IFT74: variants seen among roughly 807,000 people sequenced by gnomAD.
The protein encoded by IFT74 is intraflagellar transport protein 74 homolog.
A neutral mutation model predicts 96.7 loss-of-function variants in IFT74; 92 were observed. That is an observed-to-expected ratio of 0.95 (90% CI 0.80 to 1.13). The LOEUF (loss-of-function observed/expected upper bound fraction) is 1.13, where lower values mean the gene tolerates loss of function less well. IFT74 is among the 50% of genes most tolerant of loss of function. The pLI is 0.00. For synonymous variants in IFT74, 223 were observed against 213.2 expected (o/e 1.05, Z -0.40); for missense variants, 811 against 698.2 (o/e 1.16, Z -1.82).
intron 8 of IFT74, among the ~76,000 whole-genome samples, chr9:26,998,634 T>A (rs780466341): frequency 3.9e-5 from 6 of 152,190 alleles, no homozygotes; most frequent in Non-Finnish European, 8.8e-5. Context: ...TATTTTAAAC[T>A]ATATGTGTTT....
At chr9:27,037,175 G>A (rs537152924) in intron 13 of IFT74, among the ~76,000 whole-genome samples, 34 of 145,450 alleles carry the variant, frequency 2.3e-4, no homozygotes, top group African/African-American at 6.4e-4. Context: ...AGCCAAGATC[G>A]TGCCATTGCA....
intron 10 of IFT74, among the ~76,000 whole-genome samples, chr9:27,014,435 A>T (rs986935065): frequency 1.3e-5 from 2 of 152,194 alleles, no homozygotes; most frequent in East Asian, 3.9e-4. Flanking sequence ...TTTGGTTTCC[A>T]TAGGAAAAAT....
chr9:27,012,708 G>GTTTTT (rs772920018), intron 10 of IFT74, among the ~76,000 whole-genome samples: 2,379 of 53,832 alleles, frequency 0.044, 395 homozygotes, highest in East Asian at 0.3. Flanking sequence ...AAAAATGTCT[G>GTTTTT]TTTTTTTTTT....
chr9:26,961,803 T>A, intron 1 of IFT74, 146 bp from the exon 2 acceptor site: 1 of 677,198 alleles, frequency 1.5e-6, no homozygotes, highest in East Asian at 2.7e-5. Context: ...CGATGTCATA[T>A]TTGAACAAAA....
At chr9:27,034,022 A>C (rs1366866839) in intron 13 of IFT74, among the ~76,000 whole-genome samples, 1 of 152,152 alleles carries the variant, frequency 6.6e-6, no homozygotes, top group Admixed American at 6.6e-5. Flanking sequence ...GATGGGGCTA[A>C]TTTTCTGAGC....
intron 2 of IFT74, among the ~76,000 whole-genome samples, chr9:26,965,235 A>G (rs1826554760): frequency 6.6e-6 from 1 of 152,156 alleles, no homozygotes; most frequent in Non-Finnish European, 1.5e-5. Flanking sequence ...AATAGACAAA[A>G]ATGTCCATAA....
At chr9:27,011,066 A>T (rs1054675974) in intron 9 of IFT74, among the ~76,000 whole-genome samples, 1 of 152,184 alleles carries the variant, frequency 6.6e-6, no homozygotes, top group East Asian at 1.9e-4. Flanking sequence ...TGGCCTGGCC[A>T]AGATGGTGAA....
At chr9:26,957,898 C>T (rs920509755) in intron 1 of IFT74, among the ~76,000 whole-genome samples, 5 of 151,746 alleles carry the variant, frequency 3.3e-5, no homozygotes, top group African/African-American at 1.2e-4. Flanking sequence ...GGACTACGCC[C>T]GCCACCACGC....
intron 12 of IFT74, among the ~76,000 whole-genome samples, chr9:27,024,226 A>G (rs1829747344): frequency 6.6e-6 from 1 of 152,226 alleles, no homozygotes; most frequent in Admixed American, 6.5e-5. Context: ...CCAGTGCACG[A>G]AACAAAACTA....
intron 13 of IFT74, among the ~76,000 whole-genome samples, chr9:27,041,661 C>T (rs1819483646): frequency 6.6e-6 from 1 of 152,118 alleles, no homozygotes; most frequent in Admixed American, 6.5e-5. Flanking sequence ...TGATTTGCTT[C>T]CGTCTATCTA....
Position 27,031,145 on chromosome 9 carries a change from G to GTTAC in IFT74, c.1054+2043_1054+2046dup, listed in dbSNP as rs1208325103. Among the ~76,000 whole-genome samples the GTTAC allele has an allele frequency of 2.6e-5, 4 of 152,170 alleles. No homozygotes were observed. The East Asian group carries it at 5.8e-4, about 22-fold the overall frequency. On this transcript the variant is annotated intron_variant, in intron 13 of 19. Transcript: ENST00000380062. ...CAAGTAGCCGGGACTACAGGTCCAT[G>GTTAC]TTACTGTGCCCAGCTTGTTTTTGTT...
chr9:26,998,275 G>A, intron 8 of IFT74: 2 of 1,212,788 alleles, frequency 1.6e-6, no homozygotes, highest in Non-Finnish European at 1.1e-6. Flanking sequence ...GCATTAATCA[G>A]AAAAAAAATT....
At chr9:27,020,214 G>A (rs1344707682) in intron 12 of IFT74, among the ~76,000 whole-genome samples, 1 of 151,942 alleles carries the variant, frequency 6.6e-6, no homozygotes, top group Non-Finnish European at 1.5e-5. Flanking sequence ...GCCTTTTAAT[G>A]TCTCTCATAT....
In IFT74 at chr9:27,016,992, T is replaced by C. The variant is rs1251304960; in HGVS notation, c.875T>C (p.Ile292Thr). Residue 292 changes from isoleucine (I) to threonine (T), a missense_variant, in exon 11 of 20, where the codon ATT becomes ACT. By Grantham distance (89) the Ile-to-Thr change is moderately conservative. Transcript: ENST00000380062. ...TTGGAGTCCCATCGAGATCAAATGA[T>C]TGCAGAAGACAAAAGCATAGGATCT... ...YELESHRDQM[I>T]AEDKSIGSPM... 3 of 1,610,960 alleles carry C rather than the reference T, an allele frequency of 1.9e-6. No homozygotes were observed. The highest frequency in any genetic ancestry group is 1.3e-5 in the African/African-American group (1 of 74,856).
intron 2 of IFT74, among the ~76,000 whole-genome samples, chr9:26,975,003 A>T (rs1827047399): frequency 6.6e-6 from 1 of 152,174 alleles, no homozygotes; most frequent in Non-Finnish European, 1.5e-5. Flanking sequence ...TCTCACGTTG[A>T]AGTCCTTTCA....
At chr9:26,984,384 A>G in intron 5 of IFT74, 29 bp downstream of exon 5, 3 of 1,578,274 alleles carry the variant, frequency 1.9e-6, no homozygotes, top group Non-Finnish European at 2.6e-6. Context: ...GTATTCATTC[A>G]GTATTTTGTG....
intron 16 of IFT74, among the ~76,000 whole-genome samples, chr9:27,051,673 C>T (rs1747574737): frequency 6.6e-6 from 1 of 152,188 alleles, no homozygotes; most frequent in Non-Finnish European, 1.5e-5. Flanking sequence ...TGAAGTCATA[C>T]AGTATTTGTC....
intron 2 of IFT74, among the ~76,000 whole-genome samples, chr9:26,966,303 G>T (rs1051112664): frequency 6.6e-6 from 1 of 151,836 alleles, no homozygotes; most frequent in Non-Finnish European, 1.5e-5. Context: ...ACTGTACAAA[G>T]GTTCCCTTTT....
At chr9:27,051,617 A>G (rs555592007) in intron 16 of IFT74, among the ~76,000 whole-genome samples, 31 of 152,282 alleles carry the variant, frequency 2.0e-4, no homozygotes, top group African/African-American at 7.0e-4. Flanking sequence ...CCACCGTTCT[A>G]CTTCTGTTTC....
Sources: gnomAD v4.1 joint callset for allele counts (sites outside exome capture counted in the v4.1 genomes callset) on GRCh38, gnomAD v4.1.1 for gene constraint, MANE v1.5 for transcripts, NCBI Gene and HGNC (gene_info 2026-07-23, HGNC 2026-07-21) for gene names.